CNTN4: variants seen among roughly 807,000 people sequenced by gnomAD.
CNTN4 encodes contactin 4.
In CNTN4, 77 loss-of-function variants were observed where a neutral mutation model predicts 122.5. That is an observed-to-expected ratio of 0.63 (90% CI 0.52 to 0.76). The LOEUF (loss-of-function observed/expected upper bound fraction) is 0.76, where lower values mean the gene tolerates loss of function less well. Ranked by LOEUF, CNTN4 falls within the 30% of genes least tolerant of loss-of-function variation. CNTN4 has a pLI of 0.00. For synonymous variants in CNTN4, 512 were observed against 447.0 expected (o/e 1.15, Z -1.83); for missense variants, 1,256 against 1,259.1 (o/e 1.00, Z 0.04).
At chr3:2,475,352 C>G (rs1281309096) in intron 3 of CNTN4, among the ~76,000 whole-genome samples, 2 of 152,156 alleles carry the variant, frequency 1.3e-5, no homozygotes, top group Non-Finnish European at 2.9e-5. Flanking sequence ...TTTATAAACT[C>G]TGAGTTCTTA....
rs540849865 is a variant in CNTN4 at position 2,370,497 on chromosome 3, G to A, written c.-89+31264G>A. Among the ~76,000 whole-genome samples, 50 of 152,268 alleles carry A rather than the reference G, an allele frequency of 3.3e-4. 1 individual carries two copies. In the South Asian group the frequency reaches 0.01, roughly 32 times the overall value. ...ATGGATAGAGGAGGGAGAGGTGACA[G>A]AGTAATGAATTGCCCCCTACTGATT... is the stretch of plus-strand genomic sequence containing the variant. On this transcript the variant is annotated intron_variant, in intron 3 of 24. Coordinates refer to ENST00000418658, the MANE Select transcript of CNTN4 (RefSeq NM_175607.3).
At chr3:3,047,064 C>G (rs934330746) in intron 23 of CNTN4, among the ~76,000 whole-genome samples, 1 of 150,790 alleles carries the variant, frequency 6.6e-6, no homozygotes, top group Non-Finnish European at 1.5e-5. Flanking sequence ...ATCAATTCAA[C>G]AAGAAGAGCT....
chr3:2,520,026 T>C (rs1043441412), intron 3 of CNTN4, among the ~76,000 whole-genome samples: 1 of 152,032 alleles, frequency 6.6e-6, no homozygotes, highest in African/African-American at 2.4e-5. Context: ...GTTTCATTCA[T>C]TGTCAGTTTA....
At chr3:2,535,922 G>A (rs2149264424) in intron 3 of CNTN4, among the ~76,000 whole-genome samples, 1 of 152,166 alleles carries the variant, frequency 6.6e-6, no homozygotes, top group South Asian at 2.1e-4. Context: ...GAAGCCTGAA[G>A]AAATCCCCCA....
At chr3:2,764,104 A>C (rs1404337272) in intron 6 of CNTN4, among the ~76,000 whole-genome samples, 1 of 152,134 alleles carries the variant, frequency 6.6e-6, no homozygotes, top group Non-Finnish European at 1.5e-5. Flanking sequence ...ATCCATTCAG[A>C]TATTTTTCTG....
chr3:2,673,959 A>G (rs2084686407), intron 4 of CNTN4, among the ~76,000 whole-genome samples: 1 of 152,170 alleles, frequency 6.6e-6, no homozygotes, highest in Admixed American at 6.5e-5. Flanking sequence ...CCCATGTGGA[A>G]GAGGACAGAG....
intron 12 of CNTN4, among the ~76,000 whole-genome samples, chr3:2,922,263 C>T (rs576734316): frequency 6.6e-6 from 1 of 152,250 alleles, no homozygotes; most frequent in East Asian, 1.9e-4. Context: ...GGGGATTTAC[C>T]AATAACTTTT....
rs560395520 is a variant in CNTN4 at position 2,575,376 on chromosome 3, T to C, written c.55+3818T>C. On this transcript the variant is annotated intron_variant, in intron 4 of 24. Coordinates refer to ENST00000418658, the MANE Select transcript of CNTN4 (RefSeq NM_175607.3). The stretch of plus-strand genomic sequence containing the variant: ...AAATACAAAAAGTAGCTGGGCATGG[T>C]GGTGCACGTCTATAATGTCAGCTGC... Among the ~76,000 whole-genome samples the C allele has an allele frequency of 9.6e-4, 146 of 152,016 alleles. 1 individual carries two copies. Among genetic ancestry groups the C allele is most frequent in the Admixed American group, 1.6e-3 (25 of 15,268 alleles).
chr3:2,418,951 AG>A (rs1355770889), intron 3 of CNTN4, among the ~76,000 whole-genome samples: 3 of 152,220 alleles, frequency 2.0e-5, no homozygotes, highest in African/African-American at 7.2e-5. Context: ...ATCTCATGCC[AG>A]GACAAGGGCA....
intron 7 of CNTN4, among the ~76,000 whole-genome samples, chr3:2,840,522 A>C (rs1025179316): frequency 1.0e-4 from 11 of 105,796 alleles, no homozygotes; most frequent in Non-Finnish European, 1.6e-4. Context: ...AACACGGTGA[A>C]ACCCCGTCTC....
intron 2 of CNTN4, among the ~76,000 whole-genome samples, chr3:2,125,330 C>CTCTCTCTGTGTGTGTGTG (rs138301374): frequency 7.0e-6 from 1 of 143,364 alleles, no homozygotes; most frequent in African/African-American, 2.6e-5. Context: ...ATTCTATTCT[C>CTCTCTCTGTGTGTGTGTG]TGTGTGTGTG....
At chr3:2,235,326 A>C (rs1482829378) in intron 2 of CNTN4, among the ~76,000 whole-genome samples, 1 of 152,212 alleles carries the variant, frequency 6.6e-6, no homozygotes, top group East Asian at 1.9e-4. Context: ...TTAATATCCA[A>C]GTTAACTTTG....
rs116959237 is a variant in CNTN4 at position 2,216,053 on chromosome 3, A to G, written c.-145+115414A>G. Among the ~76,000 whole-genome samples the G allele has an allele frequency of 9.0e-3, 1,374 of 152,292 alleles. 33 individuals carry two copies. Among genetic ancestry groups the G allele is most frequent in the East Asian group, 0.08 (412 of 5,170 alleles). The stretch of plus-strand genomic sequence containing the variant: ...ATTACTGAGTATATGCCCAAGGAAT[A>G]TAAATCATTCTACCATAAAGACACA... On this transcript the variant is annotated intron_variant, in intron 2 of 24. Coordinates refer to ENST00000418658, the MANE Select transcript of CNTN4 (RefSeq NM_175607.3).
At chr3:3,049,343 A>G (rs542109866) in intron 23 of CNTN4, among the ~76,000 whole-genome samples, 23 of 152,322 alleles carry the variant, frequency 1.5e-4, no homozygotes, top group Admixed American at 5.9e-4. Context: ...TCAGCCTCCC[A>G]AAGTGCTGGG....
chr3:2,434,924 C>G (rs950057379), intron 3 of CNTN4, among the ~76,000 whole-genome samples: 4 of 152,128 alleles, frequency 2.6e-5, no homozygotes. Flanking sequence ...TTAAAGTCGT[C>G]ATTATTTTAA....
intron 7 of CNTN4, among the ~76,000 whole-genome samples, chr3:2,824,412 G>A (rs1169736110): frequency 2.0e-5 from 3 of 151,594 alleles, no homozygotes; most frequent in Admixed American, 1.3e-4. Context: ...AGTGGAGATC[G>A]CGCCACTGCA....
At chr3:2,499,568 TTCCCTA>T (rs1442247984) in intron 3 of CNTN4, among the ~76,000 whole-genome samples, 1 of 152,138 alleles carries the variant, frequency 6.6e-6, no homozygotes, top group East Asian at 1.9e-4. Context: ...TATTTCTGGG[TTCCCTA>T]CTTGTATTCA....
intron 4 of CNTN4, among the ~76,000 whole-genome samples, chr3:2,588,076 T>G (rs1452209474): frequency 6.6e-6 from 1 of 152,094 alleles, no homozygotes; most frequent in Non-Finnish European, 1.5e-5. Context: ...TAATTATGTT[T>G]TTTTTTTACT....
rs1311750587 is a variant in CNTN4 at position 3,056,490 on chromosome 3, AT to A, written c.*276del. 4 of 224,834 alleles carry A rather than the reference AT, an allele frequency of 1.8e-5. No homozygotes were observed. The highest frequency in any genetic ancestry group is 2.6e-5 in the Non-Finnish European group (3 of 113,850). The allele number at this position is 224,834 out of a possible 1,614,324, so 13.9% of individuals were successfully genotyped here. On this transcript the variant is annotated 3_prime_UTR_variant, in exon 25 of 25. Coordinates refer to ENST00000418658, the MANE Select transcript of CNTN4 (RefSeq NM_175607.3). ...AGTTTACATATGTCCTTATATGCAT[AT>A]TTTTTATTATATATTTAGTGTTTTA...
Sources: allele counts gnomAD v4.1 joint callset (sites outside exome capture counted in the v4.1 genomes callset), GRCh38; gene constraint gnomAD v4.1.1; transcripts MANE v1.5; gene names NCBI Gene and HGNC (gene_info 2026-07-23, HGNC 2026-07-21).